DTNBP1: variants seen among roughly 807,000 people sequenced by gnomAD.
DTNBP1 encodes dystrobrevin binding protein 1, also known as dysbindin.
In DTNBP1, 35 loss-of-function variants were observed where a neutral mutation model predicts 42.8. That is an observed-to-expected ratio of 0.82 (90% CI 0.63 to 1.09). The LOEUF (loss-of-function observed/expected upper bound fraction) is 1.09, where lower values mean the gene tolerates loss of function less well. DTNBP1 is among the 50% of genes least tolerant of loss of function. The pLI is 0.00. For missense variants in DTNBP1, 457 were observed against 424.2 expected, an observed-to-expected ratio of 1.08 and a Z score of -0.68; for synonymous variants, 171 against 162.2, an observed-to-expected ratio of 1.05 and a Z score of -0.41.
chr6:15,635,017 T>C (rs1759927575), intron 4 of DTNBP1, among the ~76,000 whole-genome samples: 1 of 152,238 alleles, frequency 6.6e-6, no homozygotes. Context: ...GCTTTTACTC[T>C]AATTCTTGAC....
intron 7 of DTNBP1, among the ~76,000 whole-genome samples, chr6:15,540,062 A>G (rs1773469635): frequency 6.6e-6 from 1 of 152,228 alleles, no homozygotes; most frequent in African/African-American, 2.4e-5. Flanking sequence ...AGGGAGCAAC[A>G]CCAAATATTA....
chr6:15,610,735 C>T (rs1257480994), intron 6 of DTNBP1, among the ~76,000 whole-genome samples: 1 of 152,214 alleles, frequency 6.6e-6, no homozygotes, highest in East Asian at 1.9e-4. Flanking sequence ...ATTAAACCAG[C>T]CACAACATTC....
intron 7 of DTNBP1, among the ~76,000 whole-genome samples, chr6:15,583,368 T>G (rs894196276): frequency 6.6e-6 from 1 of 152,210 alleles, no homozygotes; most frequent in Admixed American, 6.5e-5. Context: ...CTCAGCTCAG[T>G]TGGCCACTTG....
intron 1 of DTNBP1, among the ~76,000 whole-genome samples, chr6:15,662,317 G>C (rs1761688235): frequency 6.6e-6 from 1 of 152,242 alleles, no homozygotes; most frequent in Admixed American, 6.5e-5. Flanking sequence ...TGAAAGCCGA[G>C]ACGCGGCGCG....
intron 6 of DTNBP1, among the ~76,000 whole-genome samples, chr6:15,607,549 G>A (rs566491785): frequency 1.3e-5 from 2 of 152,038 alleles, no homozygotes; most frequent in Admixed American, 6.6e-5. Context: ...TGATCTGCCC[G>A]CCTCAGCCTC....
intron 7 of DTNBP1, among the ~76,000 whole-genome samples, chr6:15,566,793 T>C (rs145226242): frequency 6.6e-6 from 1 of 150,714 alleles, no homozygotes; most frequent in African/African-American, 2.4e-5. Flanking sequence ...CTATGCCTCC[T>C]GGATTCAAGC....
At chr6:15,650,561 T>C (rs1355536700) in intron 3 of DTNBP1, among the ~76,000 whole-genome samples, 3 of 152,174 alleles carry the variant, frequency 2.0e-5, no homozygotes, top group Admixed American at 6.5e-5. Flanking sequence ...GGATTATAGG[T>C]ATGAGCCACC....
chr6:15,591,212 C>T (rs1776285800), intron 7 of DTNBP1, among the ~76,000 whole-genome samples: 1 of 151,468 alleles, frequency 6.6e-6, no homozygotes, highest in South Asian at 2.1e-4. Flanking sequence ...CAGGTTCAAG[C>T]GATTCTCCTG....
intron 7 of DTNBP1, among the ~76,000 whole-genome samples, chr6:15,579,300 A>G (rs1316494508): frequency 6.6e-6 from 1 of 152,248 alleles, no homozygotes; most frequent in African/African-American, 2.4e-5. Flanking sequence ...TAGAAAGACA[A>G]GTATTGCATA....
At chr6:15,610,904 G>A (rs1758353358) in intron 6 of DTNBP1, among the ~76,000 whole-genome samples, 1 of 152,240 alleles carries the variant, frequency 6.6e-6, no homozygotes, top group Non-Finnish European at 1.5e-5. Flanking sequence ...AAAGTGCAAG[G>A]TGAAGCAGCA....
At chr6:15,635,879 T>G (rs1223652949) in intron 4 of DTNBP1, among the ~76,000 whole-genome samples, 1 of 152,232 alleles carries the variant, frequency 6.6e-6, no homozygotes, top group Non-Finnish European at 1.5e-5. Flanking sequence ...TACTCACGTT[T>G]AAGTCCATCT....
chr6:15,629,809 T>C (rs969106568), intron 4 of DTNBP1, among the ~76,000 whole-genome samples: 1 of 152,108 alleles, frequency 6.6e-6, no homozygotes, highest in African/African-American at 2.4e-5. Context: ...TTAGATTCCA[T>C]CCCAGGGAAT....
At chr6:15,647,409 CA>C (rs929277899) in intron 3 of DTNBP1, among the ~76,000 whole-genome samples, 1 of 151,578 alleles carries the variant, frequency 6.6e-6, no homozygotes, top group African/African-American at 2.4e-5. Flanking sequence ...AGAAAGGAAC[CA>C]ATAAGAAATT....
At chr6:15,563,847 G>A (rs1231014607) in intron 7 of DTNBP1, among the ~76,000 whole-genome samples, 1 of 152,110 alleles carries the variant, frequency 6.6e-6, no homozygotes, top group Admixed American at 6.5e-5. Context: ...GGTTCCCGCG[G>A]TGGAACACCT....
At chr6:15,635,905 A>T (rs1223787038) in intron 4 of DTNBP1, among the ~76,000 whole-genome samples, 1 of 152,178 alleles carries the variant, frequency 6.6e-6, no homozygotes, top group Non-Finnish European at 1.5e-5. Context: ...CTCTTGAAAG[A>T]TTTTATATAT....
At chr6:15,653,682 T>G (rs909080751) in intron 1 of DTNBP1, among the ~76,000 whole-genome samples, 2 of 152,244 alleles carry the variant, frequency 1.3e-5, no homozygotes, top group African/African-American at 4.8e-5. Context: ...TGCTACAGTA[T>G]GCAGTAATAT....
intron 7 of DTNBP1, among the ~76,000 whole-genome samples, chr6:15,566,362 G>A (rs1022881067): frequency 1.3e-5 from 2 of 151,336 alleles, no homozygotes; most frequent in Admixed American, 6.6e-5. Context: ...ATGATTGAAT[G>A]GATCCACCTT....
In DTNBP1 at chr6:15,623,637, T is replaced by C. The variant is rs74564566; in HGVS notation, c.355+3706A>G. Among the ~76,000 whole-genome samples, 292 of 152,288 alleles carry C rather than the reference T, an allele frequency of 1.9e-3. 4 individuals are homozygous for C. The Middle Eastern group carries it at 0.024, about 12-fold the overall frequency. On this transcript the variant is annotated intron_variant, in intron 5 of 9. Coordinates refer to ENST00000344537, the MANE Select transcript of DTNBP1 (RefSeq NM_032122.5). Reference sequence around the variant, plus strand: ...GGAACAGTCTTTTAAAAATAGGTCATATAAAATAAACTAAGAGAAAATTCA... The same window carrying C: ...GGAACAGTCTTTTAAAAATAGGTCACATAAAATAAACTAAGAGAAAATTCA...
intron 7 of DTNBP1, 68 bp downstream of exon 7, chr6:15,592,991 T>C: frequency 7.1e-7 from 1 of 1,401,162 alleles, no homozygotes; most frequent in Non-Finnish European, 9.8e-7. Flanking sequence ...TGTTCATCAT[T>C]GTCGAGAGAA....
Sources: gnomAD v4.1 joint callset for allele counts (sites outside exome capture counted in the v4.1 genomes callset) on GRCh38, gnomAD v4.1.1 for gene constraint, MANE v1.5 for transcripts, NCBI Gene and HGNC (gene_info 2026-07-23, HGNC 2026-07-21) for gene names.